Variants in RELN observed in about 807,000 individuals in gnomAD.
RELN encodes the protein reelin.
RELN carries 108 observed loss-of-function variants against 427.6 expected under a neutral mutation model. The ratio of observed to expected loss-of-function variants is 0.25; its 90% CI spans 0.22 to 0.30. RELN has a LOEUF of 0.30. Ranked by LOEUF, RELN falls within the 10% of genes least tolerant of loss-of-function variation. RELN has a pLI of 1.00. For synonymous variants in RELN, 1,524 were observed against 1,513.4 expected, an observed-to-expected ratio of 1.01 and a Z score of -0.16; for missense variants, 3,715 against 4,302.8, an observed-to-expected ratio of 0.86 and a Z score of 3.82.
intron 1 of RELN, among the ~76,000 whole-genome samples, chr7:103,982,785 T>C (rs1333570059): frequency 1.3e-5 from 2 of 152,206 alleles, no homozygotes; most frequent in Non-Finnish European, 2.9e-5. Flanking sequence ...TAATCGGTGC[T>C]ATCTATAACA....
At chr7:103,911,910 C>T (rs1163073385) in intron 2 of RELN, among the ~76,000 whole-genome samples, 4 of 146,962 alleles carry the variant, frequency 2.7e-5, no homozygotes, top group South Asian at 4.5e-4. Context: ...TGCTAGATGA[C>T]GAGTTAGTGG....
At chr7:103,748,275 C>A (rs1186742831) in intron 6 of RELN, among the ~76,000 whole-genome samples, 4 of 151,652 alleles carry the variant, frequency 2.6e-5, no homozygotes, top group Non-Finnish European at 5.9e-5. Flanking sequence ...TATGACTAGA[C>A]TTTCTGGCTA....
At chr7:103,853,656 T>G (rs1489737038) in intron 2 of RELN, among the ~76,000 whole-genome samples, 3 of 152,132 alleles carry the variant, frequency 2.0e-5, no homozygotes, top group African/African-American at 7.2e-5. Flanking sequence ...TTAAATTCAT[T>G]TATATACCTC....
intron 20 of RELN, among the ~76,000 whole-genome samples, chr7:103,619,297 A>C (rs1832160584): frequency 3.3e-5 from 5 of 152,126 alleles, no homozygotes; most frequent in African/African-American, 1.2e-4. Context: ...ACCACAAATG[A>C]ATGCTGTCTC....
intron 2 of RELN, among the ~76,000 whole-genome samples, chr7:103,839,942 C>T (rs1194879372): frequency 6.6e-6 from 1 of 152,108 alleles, no homozygotes; most frequent in East Asian, 1.9e-4. Context: ...AGGTGGATTT[C>T]CCTCTTGCTG....
chr7:103,535,954 T>G (rs1166807902), intron 45 of RELN, among the ~76,000 whole-genome samples: 1 of 151,972 alleles, frequency 6.6e-6, no homozygotes, highest in Non-Finnish European at 1.5e-5. Flanking sequence ...GTTTGTTTAT[T>G]TAATGGTTAA....
chr7:103,689,873 C>A (rs1220968672), intron 10 of RELN, among the ~76,000 whole-genome samples: 2 of 152,066 alleles, frequency 1.3e-5, no homozygotes, highest in Non-Finnish European at 2.9e-5. Flanking sequence ...TTTCTTTCAA[C>A]TTAAAATTAA....
intron 2 of RELN, among the ~76,000 whole-genome samples, chr7:103,857,476 C>G (rs1375125971): frequency 6.6e-6 from 1 of 152,198 alleles, no homozygotes; most frequent in East Asian, 1.9e-4. Context: ...ACAACCTCAC[C>G]TGGGTGTAGA....
At chr7:103,954,762 T>C (rs1008686534) in intron 1 of RELN, among the ~76,000 whole-genome samples, 1 of 152,222 alleles carries the variant, frequency 6.6e-6, no homozygotes, top group African/African-American at 2.4e-5. Context: ...CTGATTTTTG[T>C]ATTCTGATAA....
At chr7:103,920,963 C>T (rs1795605206) in intron 1 of RELN, among the ~76,000 whole-genome samples, 1 of 152,104 alleles carries the variant, frequency 6.6e-6, no homozygotes, top group South Asian at 2.1e-4. Context: ...AATGCACTTC[C>T]AGTGAGTAAA....
At chr7:103,564,935 T>A (rs886953876) in intron 34 of RELN, among the ~76,000 whole-genome samples, 1 of 152,152 alleles carries the variant, frequency 6.6e-6, no homozygotes, top group African/African-American at 2.4e-5. Flanking sequence ...AAACTAAGGA[T>A]ACTCTCCAAT....
chr7:103,486,938 G>A (rs574276736), intron 60 of RELN, among the ~76,000 whole-genome samples: 2 of 152,056 alleles, frequency 1.3e-5, no homozygotes, highest in Admixed American at 6.6e-5. Context: ...ATCATTCTAC[G>A]CTAAAGACAC....
chr7:103,673,438 CT>C (rs1226145662), intron 11 of RELN, among the ~76,000 whole-genome samples: 1 of 152,098 alleles, frequency 6.6e-6, no homozygotes, highest in African/African-American at 2.4e-5. Context: ...ACCTTCTATA[CT>C]TTTCATGTTG....
chr7:103,697,500 T>A (rs1356966979), intron 10 of RELN, among the ~76,000 whole-genome samples: 1 of 152,096 alleles, frequency 6.6e-6, no homozygotes, highest in South Asian at 2.1e-4. Flanking sequence ...ATCATAACCA[T>A]CAGGCTGTTT....
At chr7:103,762,902 G>A (rs931958899) in intron 4 of RELN, among the ~76,000 whole-genome samples, 2 of 152,138 alleles carry the variant, frequency 1.3e-5, no homozygotes, top group African/African-American at 4.8e-5. Context: ...GATGACAAAC[G>A]AGGGTAGAAA....
intron 25 of RELN, among the ~76,000 whole-genome samples, chr7:103,595,934 T>C (rs1831526822): frequency 6.6e-6 from 1 of 152,164 alleles, no homozygotes; most frequent in African/African-American, 2.4e-5. Flanking sequence ...AGATATTTTA[T>C]TACATATATT....
At chr7:103,740,804 T>C (rs754134410) in intron 6 of RELN, among the ~76,000 whole-genome samples, 4 of 152,224 alleles carry the variant, frequency 2.6e-5, no homozygotes, top group Non-Finnish European at 5.9e-5. Flanking sequence ...TTAATTTCTC[T>C]TTTGCTTAAC....
intron 2 of RELN, among the ~76,000 whole-genome samples, chr7:103,875,624 T>C (rs898909894): frequency 6.6e-6 from 1 of 152,092 alleles, no homozygotes; most frequent in South Asian, 2.1e-4. Flanking sequence ...GTTTTAAAAC[T>C]ACCAGGTGGA....
intron 2 of RELN, among the ~76,000 whole-genome samples, chr7:103,914,021 T>C (rs1023236481): frequency 5.3e-5 from 8 of 152,176 alleles, no homozygotes; most frequent in Non-Finnish European, 1.0e-4. Context: ...ATTAAACCAA[T>C]GATACAGGGT....
Sources: allele counts gnomAD v4.1 joint callset (sites outside exome capture counted in the v4.1 genomes callset), GRCh38; gene constraint gnomAD v4.1.1; transcripts MANE v1.5; gene names NCBI Gene and HGNC (gene_info 2026-07-23, HGNC 2026-07-21).